ESR1: variants seen among roughly 807,000 people sequenced by gnomAD.
ESR1 encodes estrogen receptor 1, also known as estrogen receptor.
ESR1 carries 12 observed loss-of-function variants against 52.7 expected under a neutral mutation model. The observed-to-expected ratio is 0.23, with a 90% CI of 0.15 to 0.37. The LOEUF is 0.37. Ranked by LOEUF, ESR1 falls within the 10% of genes least tolerant of loss-of-function variation. The pLI, the probability that ESR1 is intolerant of heterozygous loss-of-function variation, is 1.00. For missense variants in ESR1, 584 were observed against 779.7 expected (o/e 0.75, Z 2.99); for synonymous variants, 305 against 316.8 (o/e 0.96, Z 0.39).
chr6:152,071,671 G>A (rs2048360727), intron 6 of ESR1, among the ~76,000 whole-genome samples: 1 of 151,858 alleles, frequency 6.6e-6, no homozygotes, highest in Admixed American at 6.6e-5. Context: ...ATTCTAATTA[G>A]GATTATATAC....
chr6:151,764,207 C>A (rs140674477), intron 2 of ESR1, among the ~76,000 whole-genome samples: 104 of 152,240 alleles, frequency 6.8e-4, no homozygotes, highest in African/African-American at 2.3e-3. Flanking sequence ...CAAATCAGTA[C>A]GGTTGGCCAC....
rs76750582 is a variant in ESR1 at position 151,886,167 on chromosome 6, A to G, written c.760+5396A>G. 2.2e-3 allele frequency among the ~76,000 whole-genome samples: 331 copies of G among 151,984 alleles called. 1 individual carries two copies. The highest frequency in any genetic ancestry group is 7.2e-3 in the African/African-American group (298 of 41,442). On this transcript the variant is annotated intron_variant, in intron 3 of 7. Transcript: ENST00000206249. ...CACCTAAGCTTTTTTTTCTTTTCTG[A>G]TCTCATATGCTGAATATAGCTGAAT...
chr6:151,896,584 G>C (rs752316239), intron 3 of ESR1, among the ~76,000 whole-genome samples: 72 of 151,754 alleles, frequency 4.7e-4, no homozygotes, highest in Non-Finnish European at 8.5e-4. Context: ...TTCTTTTCTT[G>C]GTTAATCTTG....
chr6:151,693,706 C>A (rs568651225), intron 1 of ESR1, among the ~76,000 whole-genome samples: 10 of 152,180 alleles, frequency 6.6e-5, no homozygotes, highest in Non-Finnish European at 1.0e-4. Flanking sequence ...CAACCTCCGC[C>A]TCCCAGGTTC....
At chr6:152,044,341 C>A (rs111372153) in intron 5 of ESR1, among the ~76,000 whole-genome samples, 1,568 of 152,264 alleles carry the variant, frequency 0.01, 30 homozygotes, top group African/African-American at 0.036. Context: ...CTAAAGAAAT[C>A]CATCCGTAAA....
rs1429560975 is a variant in ESR1 at position 152,059,153 on chromosome 6, T to C, written c.1236-1838T>C. 2.0e-5 allele frequency among the ~76,000 whole-genome samples: 3 copies of C among 152,108 alleles called. No individual in the cohort carries two copies. In the East Asian group the frequency reaches 5.8e-4, roughly 29 times the overall value. Reference sequence around the variant, plus strand: ...CTGAAATCCATTGAATCACACTCTTTAAATGGGCAAATGTTATGTTATGTG... The same window carrying C: ...CTGAAATCCATTGAATCACACTCTTCAAATGGGCAAATGTTATGTTATGTG... On this transcript the variant is annotated intron_variant, in intron 5 of 7. Coordinates refer to ENST00000206249, the MANE Select transcript of ESR1 (RefSeq NM_000125.4).
At chr6:151,803,648 G>A (rs964326462), upstream of ESR1, among the ~76,000 whole-genome samples, 4 of 152,142 alleles carry the variant, frequency 2.6e-5, no homozygotes, top group Admixed American at 1.3e-4. Flanking sequence ...GATGAAGTCC[G>A]GGAGGAAAGG....
intron 2 of ESR1, among the ~76,000 whole-genome samples, chr6:151,791,156 G>C (rs1006664188): frequency 6.6e-6 from 1 of 152,158 alleles, no homozygotes; most frequent in Non-Finnish European, 1.5e-5. Context: ...TATCAGCTGT[G>C]TGGTGGATCT....
chr6:151,678,089 AGATG>A lies in ESR1; in HGVS notation n.73+21330_73+21333del, dbSNP rs1351313060. Among the ~76,000 whole-genome samples, 12 of 152,362 alleles carry A rather than the reference AGATG, an allele frequency of 7.9e-5. No individual in the cohort carries two copies. In the East Asian group the frequency reaches 1.7e-3, roughly 22 times the overall value. The stretch of plus-strand genomic sequence containing the variant: ...GCACATGTATGGTGTTGCGTGGAAC[AGATG>A]GATAGAAGTGGTAAAAAAGATGAAT... On this transcript the variant is annotated intron_variant and non_coding_transcript_variant, in intron 1 of 2. Coordinates refer to the ESR1 transcript ENST00000473497.
At chr6:151,785,001 GC>G (rs11299395) in intron 2 of ESR1, among the ~76,000 whole-genome samples, 8,930 of 152,250 alleles carry the variant, frequency 0.059, 422 homozygotes, top group South Asian at 0.16. Context: ...ATTGGGCAAG[GC>G]CCACCCATGT....
chr6:151,908,876 ATT>A (rs397754522), intron 3 of ESR1, among the ~76,000 whole-genome samples: 18 of 144,768 alleles, frequency 1.2e-4, no homozygotes, highest in African/African-American at 4.5e-4. Flanking sequence ...GTTTAAAGCA[ATT>A]TTTTTTTTTT....
chr6:151,890,509 A>G (rs1158393452), intron 3 of ESR1, among the ~76,000 whole-genome samples: 3 of 152,190 alleles, frequency 2.0e-5, no homozygotes, highest in Admixed American at 6.5e-5. Context: ...CATCTGTGCT[A>G]AAGTATAGTT....
At chr6:151,974,908 C>T (rs577877153) in intron 4 of ESR1, among the ~76,000 whole-genome samples, 2 of 152,270 alleles carry the variant, frequency 1.3e-5, no homozygotes, top group Admixed American at 6.5e-5. Context: ...ATCTGTTGTT[C>T]CTGTGTTTAG....
intron 4 of ESR1, among the ~76,000 whole-genome samples, chr6:151,965,867 A>C (rs2038213561): frequency 6.6e-6 from 1 of 152,018 alleles, no homozygotes; most frequent in Non-Finnish European, 1.5e-5. Context: ...AATTTGTTTC[A>C]TATTTTATGT....
intron 4 of ESR1, among the ~76,000 whole-genome samples, chr6:152,006,646 A>G (rs1346641681): frequency 2.0e-5 from 3 of 151,902 alleles, no homozygotes; most frequent in Non-Finnish European, 4.4e-5. Flanking sequence ...TTTTTCCCAT[A>G]CTGTACTCTT....
At chr6:151,839,354 G>T (rs1021097596) in intron 1 of ESR1, among the ~76,000 whole-genome samples, 1 of 152,158 alleles carries the variant, frequency 6.6e-6, no homozygotes, top group African/African-American at 2.4e-5. Flanking sequence ...AAGTGTTGGA[G>T]AGGATATAGA....
upstream of ESR1, among the ~76,000 whole-genome samples, chr6:151,688,790 A>C (rs564311919): frequency 6.6e-6 from 1 of 152,278 alleles, no homozygotes; most frequent in African/African-American, 2.4e-5. Context: ...ATACAGGAGG[A>C]TGTGCATAGG....
At chr6:152,077,392 C>T (rs1253464148) in intron 6 of ESR1, among the ~76,000 whole-genome samples, 1 of 152,224 alleles carries the variant, frequency 6.6e-6, no homozygotes. Flanking sequence ...CATGGAGGGC[C>T]TCTGCTAGGG....
chr6:152,090,119 A>G (rs1414993891), intron 6 of ESR1, among the ~76,000 whole-genome samples: 2 of 152,168 alleles, frequency 1.3e-5, no homozygotes, highest in African/African-American at 2.4e-5. Flanking sequence ...CATGGTGTTC[A>G]TCGGACGGTC....
Sources: allele counts gnomAD v4.1 joint callset (sites outside exome capture counted in the v4.1 genomes callset), GRCh38; gene constraint gnomAD v4.1.1; transcripts MANE v1.5; gene names NCBI Gene and HGNC (gene_info 2026-07-23, HGNC 2026-07-21).